Variants in IFNGR2 observed in about 807,000 individuals in gnomAD.
The protein encoded by IFNGR2 is IFN-gamma receptor 2.
IFNGR2 carries 15 observed loss-of-function variants against 41.1 expected under a neutral mutation model. That is an observed-to-expected ratio of 0.37 (90% confidence interval 0.24 to 0.56). The LOEUF (loss-of-function observed/expected upper bound fraction) is 0.56, where lower values mean the gene tolerates loss of function less well. IFNGR2 is among the 20% of genes least tolerant of loss of function. IFNGR2 has a pLI of 0.81. For synonymous variants in IFNGR2, 161 were observed against 171.6 expected (o/e 0.94, Z 0.48); for missense variants, 362 against 415.7 (o/e 0.87, Z 1.12).
intron 1 of IFNGR2, among the ~76,000 whole-genome samples, chr21:33,407,794 C>A (rs1447706184): frequency 6.6e-6 from 1 of 151,930 alleles, no homozygotes; most frequent in Non-Finnish European, 1.5e-5. Flanking sequence ...CGGGGTTTCA[C>A]CACGTTGGCT....
At chr21:33,417,377 A>T (rs1383154170) in intron 2 of IFNGR2, among the ~76,000 whole-genome samples, 1 of 152,210 alleles carries the variant, frequency 6.6e-6, no homozygotes, top group African/African-American at 2.4e-5. Flanking sequence ...GACATGAGCC[A>T]TCACACTGGC....
At position 33,427,844 on chromosome 21, in the gene IFNGR2, C is replaced by CTTT. The variant is rs71194844; in HGVS notation, c.561+830_561+832dup. 5.6e-3 allele frequency among the ~76,000 whole-genome samples: 697 copies of CTTT among 125,354 alleles called. 12 individuals are homozygous for CTTT. The highest frequency in any genetic ancestry group is 7.5e-3 in the Non-Finnish European group (464 of 61,578). 82.2% of individuals were successfully genotyped at this position (125,354 alleles called of 152,430 possible). A position where few individuals can be genotyped will look rare whatever the true frequency, so the allele number is the denominator to read the frequency against. ...TTTTAGATACTTCATCTCATTTCAT[C>CTTT]TTTTTTTTTTTTTTTTTTTTGAGCT... On this transcript the variant is annotated intron_variant, in intron 4 of 6. Transcript: ENST00000290219.
At chr21:33,430,507 G>C (rs1039033118) in intron 4 of IFNGR2, among the ~76,000 whole-genome samples, 1 of 152,182 alleles carries the variant, frequency 6.6e-6, no homozygotes, top group African/African-American at 2.4e-5. Context: ...CAGTGGTGCA[G>C]TCATAGCTCA....
At chr21:33,430,495 T>C (rs2083876752) in intron 4 of IFNGR2, among the ~76,000 whole-genome samples, 1 of 152,218 alleles carries the variant, frequency 6.6e-6, no homozygotes, top group African/African-American at 2.4e-5. Flanking sequence ...CAGGCTGGAG[T>C]GCAGTGGTGC....
intron 2 of IFNGR2, among the ~76,000 whole-genome samples, chr21:33,419,475 G>T (rs1313373795): frequency 1.3e-5 from 2 of 151,964 alleles, no homozygotes; most frequent in African/African-American, 4.8e-5. Flanking sequence ...GTGTGTGTGT[G>T]TGTGTGTAAA....
Position 33,421,464 on chromosome 21 carries a change from CT to C in IFNGR2, c.207-10del. ...ACAGAGAATTCTGTGAATTGAAATCCTTTTTTCCTTCCCAGCACCGACAGTA... is the reference window on the plus strand; with the variant it reads ...ACAGAGAATTCTGTGAATTGAAATCCTTTTTCCTTCCCAGCACCGACAGTA... On this transcript the variant is annotated splice_polypyrimidine_tract_variant and intron_variant, in intron 2 of 6. Coordinates refer to ENST00000290219, the MANE Select transcript of IFNGR2 (RefSeq NM_005534.4). The C allele has an allele frequency of 1.2e-6, 2 of 1,606,364 alleles. No individual in the cohort carries two copies. Among genetic ancestry groups the C allele is most frequent in the South Asian group, 1.1e-5 (1 of 90,932 alleles).
At chr21:33,412,086 G>A (rs1452445316) in intron 1 of IFNGR2, among the ~76,000 whole-genome samples, 1 of 152,092 alleles carries the variant, frequency 6.6e-6, no homozygotes, top group Non-Finnish European at 1.5e-5. Context: ...ACCACGCCCA[G>A]CTAAATCTGG....
chr21:33,434,727 T>G (rs1429690990), intron 6 of IFNGR2, among the ~76,000 whole-genome samples: 4 of 152,134 alleles, frequency 2.6e-5, no homozygotes, highest in African/African-American at 2.4e-5. Context: ...CATGATGTAT[T>G]GTAGGTACAC....
intron 2 of IFNGR2, among the ~76,000 whole-genome samples, chr21:33,421,054 A>G (rs1414997948): frequency 6.8e-6 from 1 of 147,360 alleles, no homozygotes; most frequent in Non-Finnish European, 1.5e-5. Context: ...AAAATTAACC[A>G]GGCATGATGG....
intron 4 of IFNGR2, among the ~76,000 whole-genome samples, chr21:33,427,555 A>G (rs2083848999): frequency 6.6e-6 from 1 of 152,186 alleles, no homozygotes; most frequent in Non-Finnish European, 1.5e-5. Context: ...TTGGTCAGAA[A>G]TGCAATCCAC....
intron 3 of IFNGR2, among the ~76,000 whole-genome samples, chr21:33,423,035 A>ATTTT (rs1402537450): frequency 6.8e-5 from 8 of 118,144 alleles, no homozygotes; most frequent in Non-Finnish European, 5.6e-5. Context: ...TCTTCCCTCT[A>ATTTT]CTTTTTTTTT....
Position 33,421,666 on chromosome 21 carries a change from G to C in IFNGR2, c.393G>C (p.Trp131Cys), listed in dbSNP as rs2083793727. ...ALHSAWVTMPWFQHYRNVTVG... is the reference protein window; with the variant it reads ...ALHSAWVTMPCFQHYRNVTVG... The stretch of plus-strand genomic sequence containing the variant: ...ATTCTGCCTGGGTGACAATGCCTTG[G>C]TTTCAACACTATCGGAATGGTAAGA... Residue 131 changes from tryptophan to cysteine, a missense_variant, in exon 3 of 7, where the codon TGG becomes TGC. Physicochemically the swap from Trp to Cys is radical, Grantham distance 215 (BLOSUM62 -2). Coordinates refer to ENST00000290219, the MANE Select transcript of IFNGR2 (RefSeq NM_005534.4). The C allele has an allele frequency of 1.2e-6, 2 of 1,613,708 alleles. No homozygotes were observed. The highest frequency in any genetic ancestry group is 2.2e-5 in the South Asian group (2 of 91,086).
chr21:33,429,913 CA>C (rs747151934), intron 4 of IFNGR2, among the ~76,000 whole-genome samples: 2 of 152,118 alleles, frequency 1.3e-5, no homozygotes, highest in Non-Finnish European at 2.9e-5. Context: ...CCGAGGCAGG[CA>C]GATCACTTGA....
chr21:33,432,545 ATTGACT>A, intron 5 of IFNGR2, 163 bp from the exon 6 acceptor site: 1 of 877,508 alleles, frequency 1.1e-6, no homozygotes, highest in Admixed American at 1.9e-5. Context: ...TCATTACAGG[ATTGACT>A]TTAGCTATTA....
At chr21:33,417,198 CT>C (rs2123342613) in intron 2 of IFNGR2, among the ~76,000 whole-genome samples, 1 of 152,042 alleles carries the variant, frequency 6.6e-6, no homozygotes, top group East Asian at 1.9e-4. Context: ...TCAAGAGATC[CT>C]CCTACTTCAG....
intron 1 of IFNGR2, among the ~76,000 whole-genome samples, chr21:33,413,976 G>C (rs1469685571): frequency 6.6e-6 from 1 of 151,692 alleles, no homozygotes; most frequent in Non-Finnish European, 1.5e-5. Flanking sequence ...GGGATTACAG[G>C]CGCTCACCAC....
intron 3 of IFNGR2, among the ~76,000 whole-genome samples, chr21:33,424,426 AC>A (rs1043163005): frequency 1.3e-5 from 2 of 152,288 alleles, no homozygotes; most frequent in Admixed American, 6.5e-5. Context: ...GGAGTCAAGC[AC>A]CCATGTTTCT....
intron 1 of IFNGR2, among the ~76,000 whole-genome samples, chr21:33,408,128 T>C (rs1321660335): frequency 1.2e-4 from 18 of 152,128 alleles, no homozygotes; most frequent in Non-Finnish European, 1.5e-5. Flanking sequence ...AATTATATTT[T>C]ATTTTATTAT....
intron 4 of IFNGR2, among the ~76,000 whole-genome samples, chr21:33,431,475 CAGG>C (rs907840891): frequency 1.3e-5 from 2 of 152,066 alleles, no homozygotes; most frequent in African/African-American, 2.4e-5. Flanking sequence ...GAGTTGGAGG[CAGG>C]AGAATTGCTT....
Sources: gnomAD v4.1 joint callset for allele counts (sites outside exome capture counted in the v4.1 genomes callset) on GRCh38, gnomAD v4.1.1 for gene constraint, MANE v1.5 for transcripts, NCBI Gene and HGNC (gene_info 2026-07-23, HGNC 2026-07-21) for gene names.